The following HSD3B1 variants were observed in gnomAD, a reference collection of about 807,000 sequenced individuals.
HSD3B1 encodes hydroxy-delta-5-steroid dehydrogenase, 3 beta- and steroid delta-isomerase 1, also known as 3 beta-hydroxysteroid dehydrogenase/Delta 5-->4-isomerase type 1.
A neutral mutation model predicts 10.4 loss-of-function variants in HSD3B1; 11 were observed. The observed-to-expected ratio is 1.05, with a 90% CI of 0.66 to 1.75. The LOEUF is 1.75. Ranked by LOEUF, HSD3B1 falls within the 40% of genes most tolerant of loss-of-function variation. The pLI, the probability that HSD3B1 is intolerant of heterozygous loss-of-function variation, is 0.00. For missense variants in HSD3B1, 490 were observed against 454.5 expected, an observed-to-expected ratio of 1.08 and a Z score of -0.71; for synonymous variants, 217 against 185.4, an observed-to-expected ratio of 1.17 and a Z score of -1.39.
intron 3 of HSD3B1, 63 bp downstream of exon 3, chr1:119,511,730 G>A (rs1653945672): frequency 3.6e-6 from 5 of 1,404,182 alleles, no homozygotes; most frequent in Non-Finnish European, 5.0e-6. Context: ...AGAAGGGCAG[G>A]AAGGGAAGAG....
intron 2 of HSD3B1, among the ~76,000 whole-genome samples, chr1:119,510,866 C>A (rs1308311942): frequency 6.6e-6 from 1 of 150,994 alleles, no homozygotes; most frequent in African/African-American, 2.4e-5. Flanking sequence ...CCTCAGTCTG[C>A]AGAGTAGCTG....
At chr1:119,507,735 T>A in intron 2 of HSD3B1, 114 bp downstream of exon 2, 2 of 1,043,684 alleles carry the variant, frequency 1.9e-6, no homozygotes, top group Non-Finnish European at 3.0e-6. Context: ...TCTAAGCCAA[T>A]CTCACATCCA....
rs1654062812 is a variant in HSD3B1, at chr1:119,514,812, A to G, written c.*167A>G. 9 of 731,232 alleles carry G rather than the reference A, an allele frequency of 1.2e-5. No homozygotes were observed. Among genetic ancestry groups the G allele is most frequent in the Non-Finnish European group, 2.1e-5 (9 of 429,820 alleles). The allele number at this position is 731,232 out of a possible 1,614,324, so 45.3% of individuals were successfully genotyped here. A position where few individuals can be genotyped will look rare whatever the true frequency, so the allele number is the denominator to read the frequency against. ...TTCCTCATGTCATCAAAACCTGCGC[A>G]GTCATTGGCCCAACAAGAAGGTTTC... On this transcript the variant is annotated 3_prime_UTR_variant, in exon 4 of 4. Coordinates refer to ENST00000369413, the MANE Select transcript of HSD3B1 (RefSeq NM_000862.3).
At chr1:119,508,201 A>G (rs1431027309) in intron 2 of HSD3B1, among the ~76,000 whole-genome samples, 5 of 140,082 alleles carry the variant, frequency 3.6e-5, no homozygotes, top group African/African-American at 1.3e-4. Flanking sequence ...AGAGACTCAG[A>G]GAGAGAGACA....
rs962978657 is a variant in HSD3B1 at position 119,510,717 on chromosome 1, CTTTTTTTTTTTTTT to C, written c.146-762_146-749del. Among the ~76,000 whole-genome samples, 80 of 54,166 alleles carry C rather than the reference CTTTTTTTTTTTTTT, an allele frequency of 1.5e-3. No individual in the cohort carries two copies. In the East Asian group the frequency reaches 0.023, roughly 16 times the overall value. 35.5% of individuals were successfully genotyped at this position (54,166 alleles called of 152,430 possible). ...TTTTTGTTGTTGCTTGTGTGGTTTT[CTTTTTTTTTTTTTT>C]TTTTTTTTTTTTTTTTTTTTTTTGA... On this transcript the variant is annotated intron_variant, in intron 2 of 3. Transcript: ENST00000369413.
intron 3 of HSD3B1, among the ~76,000 whole-genome samples, chr1:119,512,740 G>C (rs1447112870): frequency 6.6e-6 from 1 of 152,138 alleles, no homozygotes; most frequent in South Asian, 2.1e-4. Context: ...GCATCTGTTT[G>C]CTAAAACCAT....
rs181066829 is a variant in HSD3B1, at chr1:119,507,855, G to T, written c.145+234G>T. On this transcript the variant is annotated intron_variant, in intron 2 of 3. Coordinates refer to ENST00000369413, the MANE Select transcript of HSD3B1 (RefSeq NM_000862.3). Reference sequence around the variant, plus strand: ...GCCCTGACCCAGAACTTGAGAAGCAGCCACCTCAGCCTCCAGGCCTCTTTT... The same window carrying T: ...GCCCTGACCCAGAACTTGAGAAGCATCCACCTCAGCCTCCAGGCCTCTTTT... 2.0e-3 allele frequency: 873 copies of T among 440,322 alleles called. 8 individuals carry two copies. The highest frequency in any genetic ancestry group is 0.016 in the African/African-American group (821 of 50,046). 27.3% of individuals were successfully genotyped at this position (440,322 alleles called of 1,614,324 possible). A position where few individuals can be genotyped will look rare whatever the true frequency, so the allele number is the denominator to read the frequency against.
chr1:119,509,630 G>A (rs1653881555), intron 2 of HSD3B1, among the ~76,000 whole-genome samples: 1 of 152,208 alleles, frequency 6.6e-6, no homozygotes, highest in Admixed American at 6.5e-5. Context: ...ATCACCACCA[G>A]CAGCCTCTTC....
At chr1:119,508,122 G>A (rs1653840621) in intron 2 of HSD3B1, 1 of 156,732 alleles carries the variant, frequency 6.4e-6, no homozygotes, top group African/African-American at 2.4e-5. Context: ...GTGTATAAGT[G>A]GGTGTGTGTG....
At chr1:119,511,773 G>C (rs1186038115) in intron 3 of HSD3B1, 106 bp downstream of exon 3, 1 of 1,092,352 alleles carries the variant, frequency 9.2e-7, no homozygotes, top group Non-Finnish European at 1.4e-6. Context: ...CTGTGCTCTG[G>C]GCCAAGTGCC....
At chr1:119,509,102 G>C (rs1245458074) in intron 2 of HSD3B1, among the ~76,000 whole-genome samples, 1 of 152,186 alleles carries the variant, frequency 6.6e-6, no homozygotes, top group Non-Finnish European at 1.5e-5. Flanking sequence ...CCAAAGGTTT[G>C]CCAACTCATT....
intron 2 of HSD3B1, among the ~76,000 whole-genome samples, chr1:119,508,400 G>A (rs1258645000): frequency 6.6e-6 from 1 of 151,026 alleles, no homozygotes; most frequent in Non-Finnish European, 1.5e-5. Context: ...ATTTACCTCT[G>A]TTGCTCATCA....
intron 2 of HSD3B1, among the ~76,000 whole-genome samples, chr1:119,509,790 G>A (rs986169447): frequency 6.6e-6 from 1 of 152,310 alleles, no homozygotes; most frequent in South Asian, 2.1e-4. Flanking sequence ...TTTTCACTCT[G>A]AATTTTGCTC....
chr1:119,507,507 G>A lies in HSD3B1; in HGVS notation c.31G>A (p.Ala11Thr), dbSNP rs1480434274. 4 of 1,613,876 alleles carry A rather than the reference G, an allele frequency of 2.5e-6. No individual in the cohort carries two copies. Among genetic ancestry groups the A allele is most frequent in the South Asian group, 1.1e-5 (1 of 91,076 alleles). Reference sequence around the variant, plus strand: ...GGGCTGGAGCTGCCTTGTGACAGGAGCAGGAGGGTTTCTGGGACAGAGGAT... The same window carrying A: ...GGGCTGGAGCTGCCTTGTGACAGGAACAGGAGGGTTTCTGGGACAGAGGAT... MTGWSCLVTG[A>T]GGFLGQRIIR... Residue 11 changes from alanine (A) to threonine (T), a missense_variant, in exon 2 of 4, where the codon GCA becomes ACA. Physicochemically the swap from Ala to Thr is moderately conservative, Grantham distance 58. Coordinates refer to ENST00000369413, the MANE Select transcript of HSD3B1 (RefSeq NM_000862.3).
rs763883004 is a variant in HSD3B1, at chr1:119,511,648, C to G, written c.291C>G (p.Ile97Met). 2.5e-6 allele frequency: 4 copies of G among 1,613,688 alleles called. No individual in the cohort carries two copies. The South Asian group carries it at 4.4e-5, about 18-fold the overall frequency. The change falls in exon 3 of 4, where the codon ATC becomes ATG. Residue 97 changes from isoleucine (I) to methionine (M), a missense_variant. Ile to Met is a conservative substitution (Grantham distance 10). Coordinates refer to ENST00000369413, the MANE Select transcript of HSD3B1 (RefSeq NM_000862.3). ...DVFGVTHRES[I>M]MNVNVKGTQL... Reference sequence around the variant, plus strand: ...TCGGTGTCACTCACAGAGAGTCTATCATGAATGTCAATGTGAAAGGTATGG... The same window carrying G: ...TCGGTGTCACTCACAGAGAGTCTATGATGAATGTCAATGTGAAAGGTATGG...
chr1:119,511,183 C>T (rs1653926206), intron 2 of HSD3B1, among the ~76,000 whole-genome samples: 3 of 152,190 alleles, frequency 2.0e-5, no homozygotes, highest in South Asian at 4.1e-4. Context: ...TCTCTACAAT[C>T]ACACTACTCT....
chr1:119,510,117 G>A (rs1653892138), intron 2 of HSD3B1, among the ~76,000 whole-genome samples: 2 of 152,214 alleles, frequency 1.3e-5, no homozygotes, highest in Non-Finnish European at 2.9e-5. Flanking sequence ...AACAAGTGTA[G>A]AGTATTTATC....
At chr1:119,507,682 G>A (rs1007718819) in intron 2 of HSD3B1, 61 bp downstream of exon 2, 1 of 1,533,686 alleles carries the variant, frequency 6.5e-7, no homozygotes, top group African/African-American at 1.4e-5. Flanking sequence ...TATGTGGGGG[G>A]AGATGGACCT....
intron 2 of HSD3B1, among the ~76,000 whole-genome samples, chr1:119,509,968 C>T (rs1044099048): frequency 6.6e-6 from 1 of 152,170 alleles, no homozygotes; most frequent in Non-Finnish European, 1.5e-5. Context: ...TCACTAGAAA[C>T]GTGACCTTAG....
Sources: allele counts gnomAD v4.1 joint callset (sites outside exome capture counted in the v4.1 genomes callset), GRCh38; gene constraint gnomAD v4.1.1; transcripts MANE v1.5; gene names NCBI Gene and HGNC (gene_info 2026-07-23, HGNC 2026-07-21).